Variants in DCDC1 observed in about 807,000 individuals in gnomAD.
The protein encoded by DCDC1 is doublecortin domain-containing protein 1.
A neutral mutation model predicts 178.3 loss-of-function variants in DCDC1; 200 were observed. That is an observed-to-expected ratio of 1.12 (90% CI 1.00 to 1.26). DCDC1 has a LOEUF of 1.26. Ranked by LOEUF, DCDC1 falls within the 50% of genes most tolerant of loss-of-function variation. The pLI, the probability that DCDC1 is intolerant of heterozygous loss-of-function variation, is 0.00. For synonymous variants in DCDC1, 690 were observed against 604.8 expected, an observed-to-expected ratio of 1.14 and a Z score of -2.07; for missense variants, 1,983 against 1,749.2, an observed-to-expected ratio of 1.13 and a Z score of -2.38.
chr11:31,337,967 CA>C (rs1387140544), intron 1 of DCDC1, among the ~76,000 whole-genome samples: 1 of 152,118 alleles, frequency 6.6e-6, no homozygotes. Flanking sequence ...GACCTGTATT[CA>C]AATCTCATGC....
In DCDC1 at chr11:30,903,390, C is replaced by T. The variant is rs1374516713; in HGVS notation, c.4510+92G>A. ...AGTAGCTTCCTATGATTTTGAAATT[C>T]TGAAAAAACTGACTAAATGAAATAA... On this transcript the variant is annotated intron_variant, in intron 32 of 38. Transcript: ENST00000684477. 4.8e-6 allele frequency: 6 copies of T among 1,243,720 alleles called. No individual in the cohort carries two copies. In the East Asian group the frequency reaches 1.4e-4, roughly 29 times the overall value. The allele number at this position is 1,243,720 out of a possible 1,614,324, so 77.0% of individuals were successfully genotyped here. A position where few individuals can be genotyped will look rare whatever the true frequency, so the allele number is the denominator to read the frequency against.
intron 9 of DCDC1, among the ~76,000 whole-genome samples, chr11:31,169,918 A>G (rs1277304445): frequency 1.3e-5 from 2 of 152,192 alleles, no homozygotes; most frequent in Non-Finnish European, 2.9e-5. Flanking sequence ...TTTCTGAGGC[A>G]GAAGCAGCAT....
chr11:30,920,886 A>G lies in DCDC1; in HGVS notation c.3183T>C (p.Ala1061=). ...CAAAAATTGCTACAGGTTTATGCAC[A>G]GCAAGCTTGCTTCCAGATACAATGT... ...QSDIVSGSKL[A]VHKPVAIFGE... is the part of the protein sequence containing the mutation. The change falls in exon 25 of 39, where the codon GCT becomes GCC. Residue 1061 remains alanine (A), a synonymous_variant. Coordinates refer to ENST00000684477, the MANE Select transcript of DCDC1 (RefSeq NM_001387274.1). The G allele has an allele frequency of 6.2e-7, 1 of 1,613,240 alleles. No individual in the cohort carries two copies. The highest frequency in any genetic ancestry group is 8.5e-7 in the Non-Finnish European group (1 of 1,179,530).
intron 2 of DCDC1, among the ~76,000 whole-genome samples, chr11:31,329,319 A>T (rs954951229): frequency 2.6e-5 from 4 of 151,790 alleles, no homozygotes; most frequent in Non-Finnish European, 5.9e-5. Flanking sequence ...TAAAAAAACC[A>T]CCTCTTTAGT....
intron 9 of DCDC1, among the ~76,000 whole-genome samples, chr11:31,158,514 TCTC>T (rs774019716): frequency 6.6e-6 from 1 of 152,114 alleles, no homozygotes; most frequent in Non-Finnish European, 1.5e-5. Flanking sequence ...TTATCCAAAA[TCTC>T]CTCATTCCTC....
intron 20 of DCDC1, among the ~76,000 whole-genome samples, chr11:31,011,693 G>C (rs545116413): frequency 1.3e-5 from 2 of 152,132 alleles, no homozygotes; most frequent in African/African-American, 4.8e-5. Flanking sequence ...GTATGTGTGC[G>C]CTTTATTCAT....
intron 9 of DCDC1, among the ~76,000 whole-genome samples, chr11:31,209,321 G>C (rs973252843): frequency 2.0e-5 from 3 of 152,180 alleles, no homozygotes; most frequent in African/African-American, 7.2e-5. Flanking sequence ...GCAGGGAATG[G>C]TAGTGATTTC....
chr11:30,881,145 C>T lies in DCDC1; in HGVS notation c.5233+13G>A. 1.9e-6 allele frequency: 3 copies of T among 1,611,910 alleles called. No homozygotes were observed. Among genetic ancestry groups the T allele is most frequent in the Middle Eastern group, 1.7e-4 (1 of 6,036 alleles). ...CTTCAAAGACTTGATGGAAAAGAAA[C>T]TATCATGCATACCTTTTGGGGTTTT... On this transcript the variant is annotated intron_variant, in intron 37 of 38. Transcript: ENST00000684477.
chr11:31,144,993 T>G (rs1964284513), intron 9 of DCDC1, among the ~76,000 whole-genome samples: 1 of 152,094 alleles, frequency 6.6e-6, no homozygotes, highest in Non-Finnish European at 1.5e-5. Context: ...TTCTATAACT[T>G]TTATTATTAT....
At chr11:31,247,210 C>T (rs1308299631) in intron 8 of DCDC1, among the ~76,000 whole-genome samples, 2 of 151,936 alleles carry the variant, frequency 1.3e-5, no homozygotes, top group African/African-American at 4.8e-5. Context: ...TGAATGTTGA[C>T]ATTAAGGCTT....
At chr11:31,177,252 A>T (rs1016533428) in intron 9 of DCDC1, among the ~76,000 whole-genome samples, 5 of 152,124 alleles carry the variant, frequency 3.3e-5, no homozygotes, top group African/African-American at 4.8e-5. Context: ...AAAACTCTTT[A>T]TGTTAGCCCC....
At chr11:31,367,614 T>C (rs780115492) in intron 1 of DCDC1, among the ~76,000 whole-genome samples, 1 of 152,250 alleles carries the variant, frequency 6.6e-6, no homozygotes, top group Admixed American at 6.5e-5. Context: ...ACTAGTCACA[T>C]GTGGCTACTG....
chr11:31,328,836 A>G (rs1949792531), intron 2 of DCDC1, among the ~76,000 whole-genome samples: 1 of 151,510 alleles, frequency 6.6e-6, no homozygotes, highest in East Asian at 1.9e-4. Flanking sequence ...AAGGATTAAA[A>G]AAATGCTGGT....
intron 6 of DCDC1, among the ~76,000 whole-genome samples, chr11:31,294,111 G>A (rs968264666): frequency 1.3e-5 from 2 of 152,182 alleles, no homozygotes; most frequent in Middle Eastern, 3.2e-3. Context: ...AAGGAGGACA[G>A]AGCTGCTTGT....
chr11:31,367,883 G>A (rs1952044148), intron 1 of DCDC1, among the ~76,000 whole-genome samples: 1 of 152,176 alleles, frequency 6.6e-6, no homozygotes, highest in Non-Finnish European at 1.5e-5. Flanking sequence ...TATAAGCAGA[G>A]TGTAAGACAA....
At chr11:31,343,914 C>T (rs1398362612) in intron 1 of DCDC1, among the ~76,000 whole-genome samples, 1 of 133,452 alleles carries the variant, frequency 7.5e-6, no homozygotes, top group African/African-American at 3.1e-5. Flanking sequence ...AGTGAGACTC[C>T]ATCTCAAAAT....
intron 36 of DCDC1, among the ~76,000 whole-genome samples, chr11:30,884,439 G>A (rs634267): frequency 0.011 from 1,605 of 152,114 alleles, 19 homozygotes; most frequent in African/African-American, 0.037. Flanking sequence ...CAGAATAAGA[G>A]AAACAGTTCC....
At chr11:31,336,152 T>C (rs1950262963) in intron 1 of DCDC1, among the ~76,000 whole-genome samples, 1 of 152,104 alleles carries the variant, frequency 6.6e-6, no homozygotes, top group Non-Finnish European at 1.5e-5. Flanking sequence ...AGGGGAAAAC[T>C]GATGAGGAAA....
chr11:30,995,065 A>T (rs1951186599), intron 20 of DCDC1, among the ~76,000 whole-genome samples: 1 of 152,030 alleles, frequency 6.6e-6, no homozygotes, highest in Non-Finnish European at 1.5e-5. Context: ...AAGAAGGTTT[A>T]ACAAGGTTGT....
Sources: gnomAD v4.1 joint callset for allele counts (sites outside exome capture counted in the v4.1 genomes callset) on GRCh38, gnomAD v4.1.1 for gene constraint, MANE v1.5 for transcripts, NCBI Gene and HGNC (gene_info 2026-07-23, HGNC 2026-07-21) for gene names.